Variants in SCFD2 observed in about 807,000 individuals in gnomAD.
SCFD2 encodes sec1 family domain containing 2, also known as sec1 family domain-containing protein 2.
In SCFD2, 54 loss-of-function variants were observed where a neutral mutation model predicts 58.9. The ratio of observed to expected loss-of-function variants is 0.92; its 90% CI spans 0.74 to 1.15. The LOEUF is 1.15. SCFD2 is among the 50% of genes most tolerant of loss of function. The pLI is 0.00. For missense variants in SCFD2, 805 were observed against 836.6 expected, an observed-to-expected ratio of 0.96 and a Z score of 0.47; for synonymous variants, 321 against 335.9, an observed-to-expected ratio of 0.96 and a Z score of 0.49.
chr4:53,338,575 C>CTTTTTTTT (rs56263068), intron 2 of SCFD2, among the ~76,000 whole-genome samples: 1,305 of 72,272 alleles, frequency 0.018, 61 homozygotes, highest in Middle Eastern at 0.054. Flanking sequence ...GTATATTTTT[C>CTTTTTTTT]TTTTTTTTTT....
At chr4:53,297,809 T>C (rs768186277) in intron 3 of SCFD2, among the ~76,000 whole-genome samples, 9 of 152,222 alleles carry the variant, frequency 5.9e-5, no homozygotes, top group Non-Finnish European at 1.3e-4. Flanking sequence ...ACCTTTTCTA[T>C]GTTTAGAGTT....
chr4:52,963,053 C>T (rs1437758605), intron 5 of SCFD2, among the ~76,000 whole-genome samples: 1 of 152,144 alleles, frequency 6.6e-6, no homozygotes, highest in African/African-American at 2.4e-5. Context: ...TTCTCCTCCC[C>T]CAGCGCAACA....
intron 5 of SCFD2, among the ~76,000 whole-genome samples, chr4:52,935,079 G>C (rs1720101452): frequency 6.6e-6 from 1 of 152,184 alleles, no homozygotes; most frequent in African/African-American, 2.4e-5. Flanking sequence ...GCCACATGTG[G>C]CTAGTGGTTA....
chr4:52,968,744 C>G (rs985096935), intron 5 of SCFD2, among the ~76,000 whole-genome samples: 7 of 151,808 alleles, frequency 4.6e-5, no homozygotes, highest in African/African-American at 1.5e-4. Flanking sequence ...GTGTGTGTGT[C>G]TGGGTGCTGG....
chr4:53,176,581 A>G, intron 4 of SCFD2, among the ~76,000 whole-genome samples: 1 of 152,248 alleles, frequency 6.6e-6, no homozygotes, highest in Non-Finnish European at 1.5e-5. Flanking sequence ...AACAAATGGC[A>G]GCTGAGAGAA....
intron 4 of SCFD2, among the ~76,000 whole-genome samples, chr4:53,145,806 T>C (rs1459359424): frequency 6.6e-6 from 1 of 152,160 alleles, no homozygotes; most frequent in Non-Finnish European, 1.5e-5. Context: ...AGTCAAGTTG[T>C]AGGTTCCATT....
chr4:53,140,354 A>T (rs1402236831), intron 5 of SCFD2, among the ~76,000 whole-genome samples: 4 of 140,548 alleles, frequency 2.8e-5, no homozygotes, highest in African/African-American at 1.1e-4. Context: ...TCCAAAGAAA[A>T]ATAGTATGAG....
intron 4 of SCFD2, among the ~76,000 whole-genome samples, chr4:53,205,260 G>A (rs1194039703): frequency 6.6e-6 from 1 of 152,062 alleles, no homozygotes; most frequent in African/African-American, 2.4e-5. Context: ...CACACTGAAA[G>A]CTATCATTGC....
At chr4:52,888,896 C>CTTGTT (rs1189952515) in intron 7 of SCFD2, among the ~76,000 whole-genome samples, 27 of 152,176 alleles carry the variant, frequency 1.8e-4, no homozygotes, top group African/African-American at 6.3e-4. Flanking sequence ...TGGACATCAC[C>CTTGTT]ACCCAGCTCC....
At chr4:53,088,890 T>C (rs970690108) in intron 5 of SCFD2, among the ~76,000 whole-genome samples, 4 of 151,994 alleles carry the variant, frequency 2.6e-5, no homozygotes, top group Admixed American at 2.6e-4. Flanking sequence ...GAAATACTAA[T>C]CTCCAATGTG....
rs139782558 is a variant in SCFD2 at position 53,272,774 on chromosome 4, C to T, written c.1311+1052G>A. Among the ~76,000 whole-genome samples the T allele has an allele frequency of 1.3e-3, 203 of 152,164 alleles. 1 individual carries two copies. The highest frequency in any genetic ancestry group is 4.5e-3 in the African/African-American group (188 of 41,504). ...GTTAAATGACGTGAGTTAATGGGTGCAGCACATCAACGTGGCACATGTATA... is the reference window on the plus strand; with the variant it reads ...GTTAAATGACGTGAGTTAATGGGTGTAGCACATCAACGTGGCACATGTATA... On this transcript the variant is annotated intron_variant, in intron 4 of 8. Transcript: ENST00000401642.
At chr4:53,172,626 A>C (rs769318599) in intron 4 of SCFD2, among the ~76,000 whole-genome samples, 1 of 152,080 alleles carries the variant, frequency 6.6e-6, no homozygotes, top group East Asian at 1.9e-4. Context: ...CATGTTGTTT[A>C]ACTTCCACAT....
chr4:53,080,685 A>C (rs1724120099), intron 5 of SCFD2, among the ~76,000 whole-genome samples: 1 of 152,148 alleles, frequency 6.6e-6, no homozygotes, highest in Admixed American at 6.6e-5. Flanking sequence ...GGGTTGTGGG[A>C]AATCTTCATT....
chr4:53,043,446 T>C (rs1393345951), intron 5 of SCFD2, among the ~76,000 whole-genome samples: 4 of 152,184 alleles, frequency 2.6e-5, no homozygotes, highest in Non-Finnish European at 5.9e-5. Context: ...TTTTAAATAA[T>C]TGGTGACCAT....
At chr4:53,022,408 A>T (rs1276843258) in intron 5 of SCFD2, among the ~76,000 whole-genome samples, 2 of 152,180 alleles carry the variant, frequency 1.3e-5, no homozygotes, top group African/African-American at 2.4e-5. Context: ...CAGTCTAAAA[A>T]TAACGTGTGT....
At chr4:53,086,062 C>A (rs1231011352) in intron 5 of SCFD2, among the ~76,000 whole-genome samples, 1 of 152,036 alleles carries the variant, frequency 6.6e-6, no homozygotes, top group African/African-American at 2.4e-5. Flanking sequence ...AAAGCCTATG[C>A]ACAGCAAAGG....
At chr4:53,026,079 AAACAAC>A (rs146280196) in intron 5 of SCFD2, among the ~76,000 whole-genome samples, 1 of 151,930 alleles carries the variant, frequency 6.6e-6, no homozygotes, top group African/African-American at 2.4e-5. Context: ...ACCACCAGAA[AAACAAC>A]AACAACAACA....
intron 4 of SCFD2, among the ~76,000 whole-genome samples, chr4:53,164,397 C>T (rs1039705329): frequency 7.2e-5 from 11 of 152,096 alleles, no homozygotes; most frequent in East Asian, 1.9e-4. Flanking sequence ...ATATGATGTG[C>T]GCCACAGTAG....
intron 8 of SCFD2, among the ~76,000 whole-genome samples, chr4:52,881,483 A>C (rs982775785): frequency 6.6e-6 from 1 of 152,208 alleles, no homozygotes; most frequent in Admixed American, 6.5e-5. Context: ...AAAAGTAGGA[A>C]TGTCTCTAGC....
Sources: gnomAD v4.1 joint callset for allele counts (sites outside exome capture counted in the v4.1 genomes callset) on GRCh38, gnomAD v4.1.1 for gene constraint, MANE v1.5 for transcripts, NCBI Gene and HGNC (gene_info 2026-07-23, HGNC 2026-07-21) for gene names.